Variants in SCN8A observed in about 807,000 individuals in gnomAD.
The protein encoded by SCN8A is sodium channel protein type 8 subunit alpha.
Under a neutral mutation model 184.1 loss-of-function variants are expected in SCN8A, and 30 were observed. That is an observed-to-expected ratio of 0.16 (90% CI 0.12 to 0.22). SCN8A has a LOEUF of 0.22. SCN8A is among the 10% of genes least tolerant of loss of function. The probability of loss-of-function intolerance (pLI) is 1.00; values close to 1 mark genes in which losing one functional copy is unlikely to be tolerated. For missense variants in SCN8A, 1,057 were observed against 2,498.9 expected (o/e 0.42, Z 12.30); for synonymous variants, 852 against 907.0 (o/e 0.94, Z 1.09).
chr12:51,769,907 G>T lies in SCN8A; in HGVS notation c.3412G>T (p.Asp1138Tyr). The T allele has an allele frequency of 6.2e-7, 1 of 1,607,838 alleles. No individual in the cohort carries two copies. Among genetic ancestry groups the T allele is most frequent in the Non-Finnish European group, 8.5e-7 (1 of 1,177,232 alleles). The change falls in exon 18 of 27, where the codon GAT becomes TAT. Residue 1138 changes from aspartate to tyrosine, a missense_variant. Asp to Tyr is a radical substitution (Grantham distance 160, BLOSUM62 -3). This residue lies in a region of SCN8A where 178 missense variants were observed against 259.6 expected (regional missense o/e 0.69). Coordinates refer to ENST00000627620, the MANE Select transcript of SCN8A (RefSeq NM_001330260.2). Reference protein sequence around the residue: ...DTSSSEGSTIDIKPEVEEVPV... With the variant: ...DTSSSEGSTIYIKPEVEEVPV... ...CAGCTCCTCTGAAGGAAGCACCATT[G>T]ATATCAAACCAGAAGTAGAAGAGGT...
intron 2 of SCN8A, among the ~76,000 whole-genome samples, chr12:51,667,161 A>G (rs1941048122): frequency 6.6e-6 from 1 of 152,184 alleles, no homozygotes; most frequent in Non-Finnish European, 1.5e-5. Flanking sequence ...TCCTTTTTAC[A>G]CCTGTCTCTC....
intron 5 of SCN8A, among the ~76,000 whole-genome samples, chr12:51,687,791 A>G (rs527349001): frequency 3.9e-5 from 6 of 152,262 alleles, no homozygotes; most frequent in African/African-American, 1.4e-4. Flanking sequence ...GCTCTTGCTC[A>G]TTTGTGTTGT....
intron 1 of SCN8A, among the ~76,000 whole-genome samples, chr12:51,623,489 A>T (rs933921565): frequency 6.6e-6 from 1 of 152,170 alleles, no homozygotes; most frequent in East Asian, 1.9e-4. Context: ...ACCCTTACAC[A>T]TGTAAAGCAG....
At chr12:51,592,577 G>A (rs1297898227) in intron 1 of SCN8A, among the ~76,000 whole-genome samples, 1 of 151,940 alleles carries the variant, frequency 6.6e-6, no homozygotes, top group Non-Finnish European at 1.5e-5. Flanking sequence ...GGGGAGGGTA[G>A]AAGAAACTTT....
intron 2 of SCN8A, among the ~76,000 whole-genome samples, chr12:51,663,860 G>A (rs541879928): frequency 6.6e-6 from 1 of 151,342 alleles, no homozygotes; most frequent in South Asian, 2.1e-4. Flanking sequence ...GAATCTTGAG[G>A]ACTGGCATCA....
At position 51,721,656 on chromosome 12, in the gene SCN8A, G is replaced by C. The variant is rs745641690; in HGVS notation, c.1746G>C (p.Glu582Asp). The change falls in exon 12 of 27, where the codon GAG becomes GAC. Residue 582 changes from glutamate (E) to aspartate (D), a missense_variant. This residue lies in a region of SCN8A where 322 missense variants were observed against 390.1 expected (regional missense o/e 0.83). Coordinates refer to ENST00000627620, the MANE Select transcript of SCN8A (RefSeq NM_001330260.2). The part of the protein sequence containing the change: ...GRFRDPGSEN[E>D]FADDEHSTVE... The stretch of plus-strand genomic sequence containing the variant: ...TCCGAGACCCGGGCTCCGAGAATGA[G>C]TTCGCGGATGACGAGCACAGCACGG... The C allele has an allele frequency of 5.6e-6, 9 of 1,608,014 alleles. No homozygotes were observed. The highest frequency in any genetic ancestry group is 1.7e-6 in the Non-Finnish European group (2 of 1,177,248).
intron 1 of SCN8A, among the ~76,000 whole-genome samples, chr12:51,614,610 A>C (rs1244479614): frequency 6.6e-6 from 1 of 152,156 alleles, no homozygotes; most frequent in African/African-American, 2.4e-5. Flanking sequence ...CATTGGTATA[A>C]TACTTTATTA....
intron 1 of SCN8A, among the ~76,000 whole-genome samples, chr12:51,630,507 A>G (rs1407862759): frequency 6.6e-6 from 1 of 151,996 alleles, no homozygotes; most frequent in Admixed American, 6.5e-5. Flanking sequence ...GTTTCCATTC[A>G]TCTGTCAGTG....
intron 12 of SCN8A, among the ~76,000 whole-genome samples, chr12:51,731,017 A>T (rs1481905003): frequency 2.0e-5 from 3 of 152,188 alleles, no homozygotes; most frequent in Non-Finnish European, 4.4e-5. Flanking sequence ...TTTCAGTTCT[A>T]TCCATGTTGT....
chr12:51,651,762 G>A (rs1940719906), intron 1 of SCN8A, among the ~76,000 whole-genome samples: 1 of 152,154 alleles, frequency 6.6e-6, no homozygotes, highest in Non-Finnish European at 1.5e-5. Context: ...TTACCTCTAT[G>A]ATTTGGAAGA....
chr12:51,618,812 G>C (rs908021531), intron 1 of SCN8A, among the ~76,000 whole-genome samples: 1 of 152,162 alleles, frequency 6.6e-6, no homozygotes, highest in Admixed American at 6.5e-5. Context: ...GACAGGCCTC[G>C]AGGTCCTGGG....
chr12:51,602,046 C>T (rs749932280), intron 1 of SCN8A, among the ~76,000 whole-genome samples: 210 of 151,758 alleles, frequency 1.4e-3, no homozygotes, highest in Non-Finnish European at 6.6e-4. Flanking sequence ...AGTGGTCAGG[C>T]CTTTCCAGTT....
At chr12:51,743,861 C>T (rs982572618) in intron 12 of SCN8A, among the ~76,000 whole-genome samples, 3 of 152,186 alleles carry the variant, frequency 2.0e-5, no homozygotes, top group Admixed American at 1.3e-4. Flanking sequence ...TTTGGGAGTC[C>T]AAGGTGGGTG....
intron 1 of SCN8A, among the ~76,000 whole-genome samples, chr12:51,604,786 G>A (rs1939549112): frequency 6.6e-6 from 1 of 152,016 alleles, no homozygotes; most frequent in African/African-American, 2.4e-5. Context: ...CGCTGCCTTG[G>A]CCTCCCAAAG....
chr12:51,722,517 A>C (rs1392598118), intron 12 of SCN8A: 2 of 152,692 alleles, frequency 1.3e-5, no homozygotes, highest in Non-Finnish European at 2.9e-5. Flanking sequence ...CCTCTGCAAG[A>C]ATGAGATGTG....
intron 11 of SCN8A, among the ~76,000 whole-genome samples, chr12:51,718,208 G>T (rs779744598): frequency 7.2e-5 from 11 of 152,284 alleles, no homozygotes; most frequent in African/African-American, 2.6e-4. Flanking sequence ...CAGGCTGAGC[G>T]CAGTGCCTCA....
At chr12:51,785,516 T>C (rs1938060013) in intron 21 of SCN8A, among the ~76,000 whole-genome samples, 1 of 152,232 alleles carries the variant, frequency 6.6e-6, no homozygotes. Flanking sequence ...CCACATGTCC[T>C]GATGAGTGAC....
intron 13 of SCN8A, among the ~76,000 whole-genome samples, chr12:51,747,911 T>C (rs898578709): frequency 1.3e-5 from 2 of 152,012 alleles, no homozygotes; most frequent in Non-Finnish European, 2.9e-5. Flanking sequence ...GAGACAGATG[T>C]AGTTGTGTTC....
intron 12 of SCN8A, among the ~76,000 whole-genome samples, chr12:51,729,032 C>A (rs1002898185): frequency 3.9e-5 from 6 of 152,180 alleles, no homozygotes; most frequent in African/African-American, 1.4e-4. Flanking sequence ...TGGTGGCGGA[C>A]TTCCTCAGTA....
Sources: gnomAD v4.1 joint callset for allele counts (sites outside exome capture counted in the v4.1 genomes callset) on GRCh38, gnomAD v4.1.1 for gene constraint, gnomAD v4.1.1 regional missense constraint, MANE v1.5 for transcripts, NCBI Gene and HGNC (gene_info 2026-07-23, HGNC 2026-07-21) for gene names.